DST: variants seen among roughly 807,000 people sequenced by gnomAD.
The protein encoded by DST is dystonin.
A neutral mutation model predicts 875.2 loss-of-function variants in DST; 253 were observed. The ratio of observed to expected loss-of-function variants is 0.29; its 90% CI spans 0.26 to 0.32. The LOEUF is 0.32. DST is among the 10% of genes least tolerant of loss of function. The pLI is 1.00. For synonymous variants in DST, 3,124 were observed against 3,197.1 expected (o/e 0.98, Z 0.77); for missense variants, 8,287 against 9,111.6 (o/e 0.91, Z 3.68).
chr6:56,528,328 A>G (rs1326102380), intron 67 of DST, among the ~76,000 whole-genome samples: 2 of 152,214 alleles, frequency 1.3e-5, no homozygotes, highest in Non-Finnish European at 2.9e-5. Context: ...GTATAGTGAA[A>G]TTCCTATGGC....
chr6:56,897,305 T>G (rs12197758), intron 3 of DST, among the ~76,000 whole-genome samples: 16,984 of 136,340 alleles, frequency 0.12, 1,480 homozygotes, highest in African/African-American at 0.25. Context: ...GGTTTTTTTT[T>G]GGGGGGGGGG....
intron 5 of DST, among the ~76,000 whole-genome samples, chr6:56,732,856 A>G (rs1404350692): frequency 6.6e-6 from 1 of 152,256 alleles, no homozygotes. Flanking sequence ...CACTGGACAC[A>G]GCGTCTCATT....
intron 4 of DST, among the ~76,000 whole-genome samples, chr6:56,780,350 A>G (rs902550132): frequency 6.6e-6 from 1 of 151,748 alleles, no homozygotes; most frequent in African/African-American, 2.4e-5. Context: ...CAAGAGTGTA[A>G]AAGTGTTCCT....
chr6:56,766,879 T>C (rs2152971774), intron 4 of DST, among the ~76,000 whole-genome samples: 1 of 152,324 alleles, frequency 6.6e-6, no homozygotes, highest in Admixed American at 6.5e-5. Flanking sequence ...CCAATTCTCT[T>C]AACCTAGAAA....
At chr6:56,602,825 A>G in intron 43 of DST, 57 bp downstream of exon 43, 2 of 1,278,524 alleles carry the variant, frequency 1.6e-6, no homozygotes, top group East Asian at 2.7e-5. Flanking sequence ...AACACTTGTT[A>G]TATATTAAAG....
rs1201893572 is a variant in DST at position 56,494,142 on chromosome 6, A to G, written c.20262T>C (p.Tyr6754=). 2 of 1,608,310 alleles carry G rather than the reference A, an allele frequency of 1.2e-6. No homozygotes were observed. The highest frequency in any genetic ancestry group is 1.3e-5 in the African/African-American group (1 of 74,828). Residue 6754 remains tyrosine (Y), a synonymous_variant, in exon 83 of 104, where the codon TAT becomes TAC. Transcript: ENST00000680361. ...GCTGGCCTTTCTGCATCAGACTCTT[A>G]TATGTTTCTTCTTTAGCTTCAAAGG... The part of the protein sequence containing the change: ...CAAFEAKEET[Y]KSLMQKGQQM...
At chr6:56,792,300 A>C (rs1413267630) in intron 4 of DST, among the ~76,000 whole-genome samples, 1 of 152,210 alleles carries the variant, frequency 6.6e-6, no homozygotes, top group Non-Finnish European at 1.5e-5. Context: ...ATTAAATATT[A>C]ATAACTCATT....
At chr6:56,466,815 A>G (rs904777528) in intron 98 of DST, 5 of 152,228 alleles carry the variant, frequency 3.3e-5, no homozygotes, top group African/African-American at 1.2e-4. Flanking sequence ...AGGCTGGATT[A>G]ATATGCCATT....
At chr6:56,643,369 T>C (rs1422019454) in intron 15 of DST, among the ~76,000 whole-genome samples, 1 of 151,830 alleles carries the variant, frequency 6.6e-6, no homozygotes, top group Non-Finnish European at 1.5e-5. Flanking sequence ...ATGTCATTTG[T>C]TTATTAGGTT....
At position 56,639,278 on chromosome 6, in the gene DST, GGAT is replaced by G. The variant is rs760919984; in HGVS notation, c.2942_2944del (p.His981del). 6.2e-7 allele frequency: 1 copy of G among 1,613,482 alleles called. No individual in the cohort carries two copies. The highest frequency in any genetic ancestry group is 8.5e-7 in the Non-Finnish European group (1 of 1,179,572). On this transcript the variant is annotated inframe_deletion, in exon 22 of 104. Transcript: ENST00000680361. Reference sequence around the variant, plus strand: ...CTTTACCTCAATAGTTAACCGGGCTGGATGATTTTCTAGAAGTAGCTGCTCTGC... The same window carrying G: ...CTTTACCTCAATAGTTAACCGGGCTGGATTTTCTAGAAGTAGCTGCTCTGC...
chr6:56,835,629 T>C (rs1161439902), intron 4 of DST, among the ~76,000 whole-genome samples: 1 of 152,216 alleles, frequency 6.6e-6, no homozygotes. Flanking sequence ...GCTCAGAATA[T>C]TCCATATGCC....
intron 4 of DST, among the ~76,000 whole-genome samples, chr6:56,770,908 G>A (rs1589962227): frequency 1.3e-5 from 2 of 151,660 alleles, no homozygotes; most frequent in South Asian, 2.1e-4. Flanking sequence ...GCTGAGGCAG[G>A]AGAATAGCTT....
chr6:56,618,468 G>T, intron 36 of DST: 2 of 1,614,152 alleles, frequency 1.2e-6, no homozygotes, highest in South Asian at 2.2e-5. Context: ...TGATGTTCAT[G>T]CTCTTTGATC....
In DST at chr6:56,608,275, A is replaced by C; in HGVS notation, c.6353T>G (p.Val2118Gly). 1 of 1,613,628 alleles carries C rather than the reference A, an allele frequency of 6.2e-7. No individual in the cohort carries two copies. Among genetic ancestry groups the C allele is most frequent in the Non-Finnish European group, 8.5e-7 (1 of 1,179,762 alleles). ...CTGTTTAGCAGCATCCAAACCAATG[A>C]CTTGAGAACTTTCTGGAATATAAAG... ...AALYIPESSQ[V>G]IGLDAAKQLG... Residue 2118 changes from valine to glycine, a missense_variant, in exon 40 of 104, where the codon GTC becomes GGC. Physicochemically the swap from Val to Gly is moderately radical, Grantham distance 109. This residue lies in a region of DST where 3,138 missense variants were observed against 3,116.6 expected (regional missense o/e 1.01). Transcript: ENST00000680361.
intron 73 of DST, among the ~76,000 whole-genome samples, chr6:56,510,163 C>A (rs1191116543): frequency 6.6e-6 from 1 of 151,972 alleles, no homozygotes; most frequent in Admixed American, 6.6e-5. Flanking sequence ...GTAATTGGAC[C>A]AGGACGACAT....
In DST at chr6:56,482,032, C is replaced by T; in HGVS notation, c.21531+18G>A. ...GATTTTCTAATTTAGCTTTACATAG[C>T]ATTTATATATTACTCACTTTATGCT... On this transcript the variant is annotated intron_variant, in intron 90 of 103. Transcript: ENST00000680361. The T allele has an allele frequency of 1.2e-6, 2 of 1,610,496 alleles. No individual in the cohort carries two copies. The highest frequency in any genetic ancestry group is 1.3e-5 in the African/African-American group (1 of 74,976).
intron 27 of DST, among the ~76,000 whole-genome samples, chr6:56,633,719 C>G (rs1273535385): frequency 1.3e-5 from 2 of 151,046 alleles, no homozygotes; most frequent in African/African-American, 4.9e-5. Flanking sequence ...AGGCTGGTCT[C>G]GAACTCCAGA....
chr6:56,610,937 CAA>C (rs1350299880), intron 38 of DST, among the ~76,000 whole-genome samples: 2 of 151,962 alleles, frequency 1.3e-5, no homozygotes, highest in Non-Finnish European at 2.9e-5. Context: ...AAAGCACAAA[CAA>C]AGAGGAAATT....
At chr6:56,613,775 G>C (rs1563193406) in intron 37 of DST, among the ~76,000 whole-genome samples, 1 of 152,132 alleles carries the variant, frequency 6.6e-6, no homozygotes, top group South Asian at 2.1e-4. Context: ...AAGCAGTTGG[G>C]ATACAGAAGA....
Sources: allele counts gnomAD v4.1 joint callset (sites outside exome capture counted in the v4.1 genomes callset), GRCh38; gene constraint gnomAD v4.1.1; regional missense constraint gnomAD v4.1.1; transcripts MANE v1.5; gene names NCBI Gene and HGNC (gene_info 2026-07-23, HGNC 2026-07-21).